Variants in NR4A3 observed in about 807,000 individuals in gnomAD.
The protein encoded by NR4A3 is chondrosarcoma, extraskeletal myxoid, fused to EWS.
Under a neutral mutation model 55.6 loss-of-function variants are expected in NR4A3, and 13 were observed. That is an observed-to-expected ratio of 0.23 (90% confidence interval 0.15 to 0.37). The LOEUF (loss-of-function observed/expected upper bound fraction) is 0.37. Among genes scored for constraint, NR4A3 ranks in the 10% least tolerant of loss-of-function variants. The pLI is 1.00. For missense variants in NR4A3, 646 were observed against 822.8 expected, an observed-to-expected ratio of 0.79 and a Z score of 2.63; for synonymous variants, 342 against 357.9, an observed-to-expected ratio of 0.96 and a Z score of 0.50.
At chr9:99,839,339 T>C (rs921610968) in intron 5 of NR4A3, among the ~76,000 whole-genome samples, 1 of 152,218 alleles carries the variant, frequency 6.6e-6, no homozygotes, top group Non-Finnish European at 1.5e-5. Flanking sequence ...AAAGTAACAT[T>C]TTAAGGGGAG....
At chr9:99,857,776 A>AAAT (rs1827952299) in intron 7 of NR4A3, among the ~76,000 whole-genome samples, 2 of 151,628 alleles carry the variant, frequency 1.3e-5, no homozygotes, top group Non-Finnish European at 2.9e-5. Flanking sequence ...ATAAATAAAT[A>AAAT]AATAAATAAA....
chr9:99,840,733 C>G, intron 5 of NR4A3, among the ~76,000 whole-genome samples: 1 of 152,162 alleles, frequency 6.6e-6, no homozygotes, highest in East Asian at 1.9e-4. Flanking sequence ...ACCCCATGAC[C>G]TGCTGCTTGG....
chr9:99,863,295 C>T (rs1000313591), intron 7 of NR4A3, among the ~76,000 whole-genome samples: 2 of 152,324 alleles, frequency 1.3e-5, no homozygotes, highest in South Asian at 2.1e-4. Flanking sequence ...AGGAACTGTG[C>T]TTCCCTTGTG....
At chr9:99,857,378 G>T (rs1421630238) in intron 7 of NR4A3, among the ~76,000 whole-genome samples, 2 of 152,176 alleles carry the variant, frequency 1.3e-5, no homozygotes, top group South Asian at 2.1e-4. Context: ...GCTAGGCATG[G>T]TTCCAAATAC....
chr9:99,842,814 A>G (rs1461091625), intron 5 of NR4A3, among the ~76,000 whole-genome samples: 1 of 152,152 alleles, frequency 6.6e-6, no homozygotes, highest in African/African-American at 2.4e-5. Flanking sequence ...CAGGGTCAGC[A>G]TAAGTCCTGG....
chr9:99,861,258 G>A (rs1038482344), intron 7 of NR4A3, among the ~76,000 whole-genome samples: 1 of 152,246 alleles, frequency 6.6e-6, no homozygotes, highest in African/African-American at 2.4e-5. Flanking sequence ...AGTGGTGCAT[G>A]CCTGTAAGCC....
At chr9:99,861,547 A>C (rs2118177198) in intron 7 of NR4A3, among the ~76,000 whole-genome samples, 1 of 152,174 alleles carries the variant, frequency 6.6e-6, no homozygotes, top group Non-Finnish European at 1.5e-5. Context: ...GGAAGGAAGG[A>C]AGGAGGACAC....
intron 7 of NR4A3, among the ~76,000 whole-genome samples, chr9:99,853,324 T>C: frequency 6.7e-6 from 1 of 149,198 alleles, no homozygotes; most frequent in East Asian, 1.9e-4. Context: ...GGAATTTCTT[T>C]TTTTTTTTTT....
At position 99,828,361 on chromosome 9, in the gene NR4A3, C is replaced by G. The variant is rs926045946; in HGVS notation, c.319C>G (p.His107Asp). Residue 107 changes from histidine (H) to aspartate (D), a missense_variant, in exon 3 of 8, where the codon CAT becomes GAT. Transcript: ENST00000395097. This position sits in a 1 kb window ranked among gnomAD's most constrained non-coding sequence, Gnocchi z 7.7. ...HHHHHHHHHH[H>D]HQQQHQQPSI... ...CCACCACCACCACCACCACCACCAC[C>G]ATCACCAGCAGCAGCATCAGCAGCC... The G allele has an allele frequency of 2.1e-5, 34 of 1,601,470 alleles. No homozygotes were observed. The highest frequency in any genetic ancestry group is 2.8e-5 in the Non-Finnish European group (33 of 1,174,714).
At chr9:99,838,073 T>A (rs975883118) in intron 5 of NR4A3, among the ~76,000 whole-genome samples, 1 of 152,212 alleles carries the variant, frequency 6.6e-6, no homozygotes, top group Non-Finnish European at 1.5e-5. Context: ...ATCAGTGCAG[T>A]CAAAACATGT....
At chr9:99,823,268 C>G (rs913708379) in intron 1 of NR4A3, among the ~76,000 whole-genome samples, 1 of 141,298 alleles carries the variant, frequency 7.1e-6, no homozygotes, top group East Asian at 2.2e-4. Flanking sequence ...GGTGGTGAGA[C>G]GAGAGCGGTC....
chr9:99,842,660 G>A (rs1278097424), intron 5 of NR4A3, among the ~76,000 whole-genome samples: 1 of 152,060 alleles, frequency 6.6e-6, no homozygotes, highest in African/African-American at 2.4e-5. Flanking sequence ...AACCCAGGAG[G>A]TGGAGGTTTC....
At chr9:99,823,936 G>A (rs1248046056) in intron 1 of NR4A3, among the ~76,000 whole-genome samples, 2 of 152,066 alleles carry the variant, frequency 1.3e-5, no homozygotes, top group East Asian at 1.9e-4. Flanking sequence ...GAGGAGCCCC[G>A]GTCACAATGG....
At chr9:99,855,910 G>A (rs965637952) in intron 7 of NR4A3, among the ~76,000 whole-genome samples, 1 of 152,058 alleles carries the variant, frequency 6.6e-6, no homozygotes, top group African/African-American at 2.4e-5. Flanking sequence ...CCTTGGTGGG[G>A]CTCCTGATGG....
chr9:99,859,303 C>G (rs1253951343), intron 7 of NR4A3, among the ~76,000 whole-genome samples: 1 of 152,106 alleles, frequency 6.6e-6, no homozygotes, highest in African/African-American at 2.4e-5. Flanking sequence ...TACCAAGCTA[C>G]AAGAAGAAAG....
At position 99,865,197 on chromosome 9, in the gene NR4A3, C is replaced by G. The variant is rs1587892183; in HGVS notation, c.*1330C>G. ...GCACGTTATATTGTAATAGCTTTGC[C>G]TGTATTTATTGCAAGACCACCAGCT... is the stretch of plus-strand genomic sequence containing the variant. On this transcript the variant is annotated 3_prime_UTR_variant, in exon 8 of 8. Transcript: ENST00000395097. This position sits in a 1 kb window ranked among gnomAD's most constrained non-coding sequence, Gnocchi z 4.3. 5.4e-6 allele frequency: 1 copy of G among 183,778 alleles called. No individual in the cohort carries two copies. The highest frequency in any genetic ancestry group is 8.8e-5 in the East Asian group (1 of 11,384). The allele number at this position is 183,778 out of a possible 1,614,324, so 11.4% of individuals were successfully genotyped here.
chr9:99,829,255 G>A (rs552136181), intron 3 of NR4A3, among the ~76,000 whole-genome samples: 1 of 152,278 alleles, frequency 6.6e-6, no homozygotes, highest in South Asian at 2.1e-4. Context: ...CATTTTTCTG[G>A]AGAGCTTTCA....
chr9:99,851,506 T>C (rs1827848844), intron 7 of NR4A3, among the ~76,000 whole-genome samples: 1 of 152,190 alleles, frequency 6.6e-6, no homozygotes, highest in Non-Finnish European at 1.5e-5. Flanking sequence ...ATTAAGAATC[T>C]GGATTAGTAT....
At chr9:99,862,665 G>C (rs1020049583) in intron 7 of NR4A3, among the ~76,000 whole-genome samples, 3 of 149,552 alleles carry the variant, frequency 2.0e-5, no homozygotes, top group Admixed American at 6.8e-5. Flanking sequence ...CCTTCTCATT[G>C]CTTTGGAACA....
Sources: allele counts gnomAD v4.1 joint callset (sites outside exome capture counted in the v4.1 genomes callset), GRCh38; gene constraint gnomAD v4.1.1; non-coding constraint Gnocchi (gnomAD v3.1); transcripts MANE v1.5; gene names NCBI Gene and HGNC (gene_info 2026-07-23, HGNC 2026-07-21).